Variants in RUVBL1 observed in about 807,000 individuals in gnomAD.
The protein encoded by RUVBL1 is ruvB-like 1.
Under a neutral mutation model 52.4 loss-of-function variants are expected in RUVBL1, and 4 were observed. The ratio of observed to expected loss-of-function variants is 0.08; its 90% CI spans 0.04 to 0.17. The LOEUF is 0.17. RUVBL1 is among the 10% of genes least tolerant of loss of function. The pLI is 1.00. For missense variants in RUVBL1, 298 were observed against 572.8 expected (o/e 0.52, Z 4.90); for synonymous variants, 217 against 214.4 (o/e 1.01, Z -0.10).
At chr3:128,097,191 AC>A in intron 8 of RUVBL1, 108 bp downstream of exon 8, 1 of 1,078,928 alleles carries the variant, frequency 9.3e-7, no homozygotes. Context: ...AAACAACATG[AC>A]CTCCCCTCAT....
intron 2 of RUVBL1, among the ~76,000 whole-genome samples, chr3:128,116,980 A>T (rs779744698): frequency 1.3e-4 from 20 of 152,256 alleles, no homozygotes; most frequent in Non-Finnish European, 2.8e-4. Flanking sequence ...GTAGGAAGAC[A>T]TCCTTACAAC....
Position 128,067,616 on chromosome 3 carries a change from A to G in RUVBL1, c.940-2396T>C. ...CTCAGGTTCCTCTGCCAAAGATGTA[A>G]GTAGAAGCAAAACTTTCTGGAAGGG... is the stretch of plus-strand genomic sequence containing the variant. On this transcript the variant is annotated intron_variant, in intron 9 of 9. Transcript: ENST00000464873. This position sits in a 1 kb window ranked among gnomAD's most constrained non-coding sequence, Gnocchi z 4.1. 3.1e-6 allele frequency: 5 copies of G among 1,605,256 alleles called. No homozygotes were observed. Among genetic ancestry groups the G allele is most frequent in the Non-Finnish European group, 4.3e-6 (5 of 1,175,016 alleles).
intron 3 of RUVBL1, among the ~76,000 whole-genome samples, chr3:128,111,825 A>T (rs1382388027): frequency 6.6e-6 from 1 of 152,162 alleles, no homozygotes; most frequent in Non-Finnish European, 1.5e-5. Flanking sequence ...CCTTCTTAAG[A>T]ATACTTACTT....
At chr3:128,106,023 C>G (rs1222271679) in intron 3 of RUVBL1, among the ~76,000 whole-genome samples, 1 of 152,080 alleles carries the variant, frequency 6.6e-6, no homozygotes, top group Non-Finnish European at 1.5e-5. Context: ...GCGTGCACCA[C>G]CACATCTGGC....
At chr3:128,113,059 G>A (rs1943430417) in intron 2 of RUVBL1, 39 bp from the exon 3 acceptor site, 8 of 1,607,080 alleles carry the variant, frequency 5.0e-6, no homozygotes, top group Non-Finnish European at 5.9e-6. Context: ...TCACAGTCCT[G>A]AAAACATGAC....
At chr3:128,069,006 CTTAATA>C (rs1361764945) in intron 9 of RUVBL1, 1 of 152,620 alleles carries the variant, frequency 6.6e-6, no homozygotes, top group African/African-American at 2.4e-5. Context: ...AGTTCATTCT[CTTAATA>C]TTAAGCTGCT....
intron 1 of RUVBL1, among the ~76,000 whole-genome samples, chr3:128,147,544 C>G (rs558195177): frequency 6.6e-6 from 1 of 152,262 alleles, no homozygotes; most frequent in Admixed American, 6.5e-5. Flanking sequence ...GCACTCCAGC[C>G]TGGATGACAG....
intron 9 of RUVBL1, among the ~76,000 whole-genome samples, chr3:128,072,548 AC>A (rs1942195788): frequency 6.6e-6 from 1 of 152,140 alleles, no homozygotes; most frequent in African/African-American, 2.4e-5. Context: ...GTGTTTTGAG[AC>A]TGCTAGGACA....
chr3:128,093,971 G>T (rs930162991), intron 8 of RUVBL1, among the ~76,000 whole-genome samples: 4 of 152,136 alleles, frequency 2.6e-5, no homozygotes, highest in Non-Finnish European at 5.9e-5. Context: ...TGCCTTGCTG[G>T]GTTCTCAGAG....
Position 128,123,807 on chromosome 3 carries a change from G to A in RUVBL1, c.-83C>T. On this transcript the variant is annotated 5_prime_UTR_variant, in exon 1 of 11. It adds an upstream start codon to the 5' untranslated region. Coordinates refer to ENST00000322623, the MANE Select transcript of RUVBL1 (RefSeq NM_003707.3). ...CCGGCGCCTGAGTTACCATGCGGCC[G>A]TTACTAGGGCAATTTGCAAAGGCCC... 2.7e-6 allele frequency: 4 copies of A among 1,475,254 alleles called. No individual in the cohort carries two copies. The highest frequency in any genetic ancestry group is 3.6e-6 in the Non-Finnish European group (4 of 1,104,918). 91.4% of individuals were successfully genotyped at this position (1,475,254 alleles called of 1,614,324 possible).
chr3:128,065,514 A>G (rs1941941522), intron 9 of RUVBL1, among the ~76,000 whole-genome samples: 1 of 152,076 alleles, frequency 6.6e-6, no homozygotes, highest in Non-Finnish European at 1.5e-5. Flanking sequence ...TTTTCCTGTA[A>G]TTGGATTGAT....
At chr3:128,069,396 G>A (rs1942085076) in intron 9 of RUVBL1, 65 of 1,363,606 alleles carry the variant, frequency 4.8e-5, no homozygotes, top group Non-Finnish European at 6.6e-5. Context: ...AGGTCCCAAA[G>A]TCTCAGGTGA....
intron 8 of RUVBL1, among the ~76,000 whole-genome samples, chr3:128,096,984 C>T (rs777042893): frequency 2.0e-5 from 3 of 152,142 alleles, no homozygotes; most frequent in South Asian, 2.1e-4. Flanking sequence ...AGACTGAAGA[C>T]GTTCATGTGT....
In RUVBL1 at chr3:128,123,742, CTAAAACCAGCGTG is replaced by C. The variant is rs753213833; in HGVS notation, c.-31_-19del. 1 of 1,587,728 alleles carries C rather than the reference CTAAAACCAGCGTG, an allele frequency of 6.3e-7. No individual in the cohort carries two copies. Among genetic ancestry groups the C allele is most frequent in the Non-Finnish European group, 8.6e-7 (1 of 1,162,126 alleles). The stretch of plus-strand genomic sequence containing the variant: ...ATCTTCATTTTGCAGACGCCGGGAG[CTAAAACCAGCGTG>C]GAAAACCAGCAGCTAGGACAGTGCG... On this transcript the variant is annotated 5_prime_UTR_variant, in exon 1 of 11. Coordinates refer to ENST00000322623, the MANE Select transcript of RUVBL1 (RefSeq NM_003707.3).
At position 128,098,954 on chromosome 3, in the gene RUVBL1, G is replaced by A. The variant is rs745496224; in HGVS notation, c.754-9C>T. On this transcript the variant is annotated splice_polypyrimidine_tract_variant and intron_variant, in intron 6 of 10. Transcript: ENST00000322623. ...AGGATATCTTGTCCCCCCTGCATAA[G>A]AGAAGACTTAGAGTCAGTGCTGCTT... 5.0e-6 allele frequency: 8 copies of A among 1,613,142 alleles called. No individual in the cohort carries two copies. The highest frequency in any genetic ancestry group is 2.2e-5 in the East Asian group (1 of 44,860).
At chr3:128,117,157 A>G (rs746504616) in intron 2 of RUVBL1, among the ~76,000 whole-genome samples, 6 of 152,234 alleles carry the variant, frequency 3.9e-5, no homozygotes, top group Non-Finnish European at 8.8e-5. Flanking sequence ...TATTCAATAG[A>G]TTGGATTAAT....
At chr3:128,111,219 CA>C (rs11289688) in intron 3 of RUVBL1, among the ~76,000 whole-genome samples, 88,976 of 128,392 alleles carry the variant, frequency 0.69, 30,482 homozygotes, top group East Asian at 0.87. Flanking sequence ...GACTCTCTCT[CA>C]AAAAAAAAAA....
At chr3:128,150,608 T>G (rs992152602) in intron 1 of RUVBL1, among the ~76,000 whole-genome samples, 3 of 124,778 alleles carry the variant, frequency 2.4e-5, no homozygotes, top group African/African-American at 6.0e-5. Context: ...TTGACAGAAC[T>G]AATAGAATAT....
chr3:128,130,514 A>T (rs1414932756), intron 1 of RUVBL1, among the ~76,000 whole-genome samples: 3 of 148,582 alleles, frequency 2.0e-5, no homozygotes, highest in Non-Finnish European at 4.4e-5. Context: ...TAACCTCAGC[A>T]CTTTGGGAGG....
Sources: allele counts gnomAD v4.1 joint callset (sites outside exome capture counted in the v4.1 genomes callset), GRCh38; gene constraint gnomAD v4.1.1; non-coding constraint Gnocchi (gnomAD v3.1); transcripts MANE v1.5; gene names NCBI Gene and HGNC (gene_info 2026-07-23, HGNC 2026-07-21).